RMDN2: variants seen among roughly 807,000 people sequenced by gnomAD.
The protein encoded by RMDN2 is regulator of microtubule dynamics 2.
A neutral mutation model predicts 52.8 loss-of-function variants in RMDN2; 61 were observed. The ratio of observed to expected loss-of-function variants is 1.16; its 90% CI spans 0.94 to 1.43. RMDN2 has a LOEUF of 1.43. Ranked by LOEUF, RMDN2 falls within the 40% of genes most tolerant of loss-of-function variation. The pLI, the probability that RMDN2 is intolerant of heterozygous loss-of-function variation, is 0.00. For missense variants in RMDN2, 592 were observed against 475.3 expected (o/e 1.25, Z -2.28); for synonymous variants, 180 against 153.1 (o/e 1.18, Z -1.30).
At chr2:37,977,497 C>T (rs182137095) in intron 4 of RMDN2, among the ~76,000 whole-genome samples, 17 of 151,320 alleles carry the variant, frequency 1.1e-4, no homozygotes, top group Non-Finnish European at 2.2e-4. Flanking sequence ...GGGCGGCTGC[C>T]GGGCGGAGAC....
chr2:38,008,056 C>G (rs1038771031), intron 10 of RMDN2, among the ~76,000 whole-genome samples: 1 of 152,192 alleles, frequency 6.6e-6, no homozygotes, highest in South Asian at 2.1e-4. Flanking sequence ...TTTGATTGCA[C>G]TGTAGTCTGA....
intron 10 of RMDN2, among the ~76,000 whole-genome samples, chr2:38,031,847 C>T (rs761359666): frequency 1.6e-4 from 24 of 152,126 alleles, no homozygotes; most frequent in East Asian, 3.9e-4. Context: ...AGTGACCTAA[C>T]GCTCCCAGAA....
intron 10 of RMDN2, among the ~76,000 whole-genome samples, chr2:38,037,574 C>T (rs1461487809): frequency 6.6e-6 from 1 of 152,136 alleles, no homozygotes; most frequent in African/African-American, 2.4e-5. Context: ...AGCAAACTGC[C>T]CCTAACACGT....
intron 2 of RMDN2, among the ~76,000 whole-genome samples, chr2:37,933,212 AT>A (rs1666985692): frequency 1.4e-5 from 2 of 139,698 alleles, no homozygotes; most frequent in African/African-American, 5.5e-5. Flanking sequence ...CCCAGATGTG[AT>A]GGTGGCCGGG....
intron 2 of RMDN2, among the ~76,000 whole-genome samples, chr2:37,946,412 AC>A (rs767146701): frequency 1.3e-4 from 19 of 151,912 alleles, no homozygotes; most frequent in Non-Finnish European, 2.8e-4. Flanking sequence ...TCCCTATGCT[AC>A]CCCTCTCCTC....
intron 8 of RMDN2, among the ~76,000 whole-genome samples, 161 bp from the exon 9 acceptor site, chr2:38,003,829 TA>T (rs1434992747): frequency 6.6e-6 from 1 of 152,232 alleles, no homozygotes; most frequent in Non-Finnish European, 1.5e-5. Flanking sequence ...ACCCAAAAGA[TA>T]CTTAAACTGA....
At chr2:38,054,212 A>G (rs1681756392) in intron 10 of RMDN2, among the ~76,000 whole-genome samples, 1 of 152,234 alleles carries the variant, frequency 6.6e-6, no homozygotes, top group Non-Finnish European at 1.5e-5. Flanking sequence ...CCAAAATTAC[A>G]TAATTTAATT....
At chr2:37,950,097 T>G (rs1047248092) in intron 2 of RMDN2, 1 of 177,938 alleles carries the variant, frequency 5.6e-6, no homozygotes, top group African/African-American at 2.4e-5. Flanking sequence ...TCTCTAACAT[T>G]TGCTTTTCCG....
chr2:37,982,844 C>T (rs1457010900), intron 5 of RMDN2, among the ~76,000 whole-genome samples: 1 of 152,094 alleles, frequency 6.6e-6, no homozygotes, highest in Non-Finnish European at 1.5e-5. Flanking sequence ...AGTAAATTAA[C>T]ATATATGTTA....
chr2:38,001,925 G>A (rs72901032), intron 8 of RMDN2, among the ~76,000 whole-genome samples: 1 of 152,212 alleles, frequency 6.6e-6, no homozygotes, highest in African/African-American at 2.4e-5. Context: ...GGATGGTCAA[G>A]GCTCTGGCTT....
rs761176347 is a variant in RMDN2 at position 38,003,964 on chromosome 2, TTC to T, written c.1045-22_1045-21del. On this transcript the variant is annotated intron_variant, in intron 8 of 10. Coordinates refer to ENST00000354545, the MANE Select transcript of RMDN2 (RefSeq NM_001170791.3). ...CTGTTATTTTAATATTGCCCTGTTATTCTCTCATGTTTTTCTCTCAAATCAGG... is the reference window on the plus strand; with the variant it reads ...CTGTTATTTTAATATTGCCCTGTTATTCTCATGTTTTTCTCTCAAATCAGG... 7.7e-6 allele frequency: 12 copies of T among 1,552,494 alleles called. No homozygotes were observed. In the South Asian group the frequency reaches 1.1e-4, roughly 14 times the overall value.
At chr2:38,040,983 G>A (rs1443849539) in intron 10 of RMDN2, among the ~76,000 whole-genome samples, 3 of 152,136 alleles carry the variant, frequency 2.0e-5, no homozygotes, top group African/African-American at 7.2e-5. Context: ...TATTGGAAAT[G>A]CTATTGTGTT....
chr2:37,923,264 A>C (rs1666082361), upstream of RMDN2: 1 of 152,216 alleles, frequency 6.6e-6, no homozygotes, highest in African/African-American at 2.4e-5. Flanking sequence ...CTCATCAAGG[A>C]ATAGAAACAA....
chr2:37,977,080 T>G (rs988678834), intron 4 of RMDN2, among the ~76,000 whole-genome samples: 12 of 152,152 alleles, frequency 7.9e-5, no homozygotes, highest in Non-Finnish European at 1.8e-4. Context: ...AAGCATCTGT[T>G]TAACAAAGCA....
At position 37,929,530 on chromosome 2, in the gene RMDN2, A is replaced by G; in HGVS notation, c.253A>G (p.Asn85Asp). Reference sequence around the variant, plus strand: ...GGAGAAGTTAAACGAATTACTGACAAATATGGAAGAACTCAAAGAGGAAAT... The same window carrying G: ...GGAGAAGTTAAACGAATTACTGACAGATATGGAAGAACTCAAAGAGGAAAT... ...ILEKLNELLT[N>D]MEELKEEIRF... is the part of the protein sequence containing the mutation. Residue 85 changes from asparagine to aspartate, a missense_variant, in exon 2 of 11, where the codon AAT becomes GAT. Transcript: ENST00000354545. 3.2e-6 allele frequency: 5 copies of G among 1,551,830 alleles called. No homozygotes were observed. The highest frequency in any genetic ancestry group is 4.4e-6 in the Non-Finnish European group (5 of 1,146,960).
intron 2 of RMDN2, among the ~76,000 whole-genome samples, chr2:37,955,104 G>A (rs891068356): frequency 6.6e-6 from 1 of 151,888 alleles, no homozygotes; most frequent in African/African-American, 2.4e-5. Context: ...AAATATTTAG[G>A]GTTTTTTTCC....
Position 37,965,958 on chromosome 2 carries a change from G to A in RMDN2, c.453-8082G>A, listed in dbSNP as rs114022097. Among the ~76,000 whole-genome samples, 1,095 of 152,238 alleles carry A rather than the reference G, an allele frequency of 7.2e-3. 13 individuals are homozygous for A. The highest frequency in any genetic ancestry group is 0.025 in the African/African-American group (1,040 of 41,536). On this transcript the variant is annotated intron_variant, in intron 2 of 10. Transcript: ENST00000354545. ...GTCCCACTGCCTTCTGGTTTGCAAG[G>A]TTTCTGCTGAGAAATCTGCTGATGA...
chr2:37,962,591 G>A (rs1205205771), intron 2 of RMDN2, among the ~76,000 whole-genome samples: 2 of 152,146 alleles, frequency 1.3e-5, no homozygotes, highest in Admixed American at 6.5e-5. Context: ...TGCTGGCAGC[G>A]AGAATTTCCA....
intron 2 of RMDN2, among the ~76,000 whole-genome samples, chr2:37,957,173 G>T: frequency 6.6e-6 from 1 of 152,086 alleles, no homozygotes; most frequent in East Asian, 1.9e-4. Flanking sequence ...TATATATCCC[G>T]TTAATGGGAT....
Sources: gnomAD v4.1 joint callset for allele counts (sites outside exome capture counted in the v4.1 genomes callset) on GRCh38, gnomAD v4.1.1 for gene constraint, MANE v1.5 for transcripts, NCBI Gene and HGNC (gene_info 2026-07-23, HGNC 2026-07-21) for gene names.